The following CRTC3 variants were observed in gnomAD, a reference collection of about 807,000 sequenced individuals.
CRTC3 encodes the protein CREB regulated transcription coactivator 3.
In CRTC3, 26 loss-of-function variants were observed where a neutral mutation model predicts 74.5. The ratio of observed to expected loss-of-function variants is 0.35; its 90% CI spans 0.26 to 0.48. The LOEUF is 0.48. CRTC3 is among the 20% of genes least tolerant of loss of function. CRTC3 has a pLI of 0.99. For synonymous variants in CRTC3, 377 were observed against 325.8 expected (o/e 1.16, Z -1.69); for missense variants, 760 against 787.3 (o/e 0.97, Z 0.41).
chr15:90,617,067 C>G (rs1249852833), intron 7 of CRTC3, among the ~76,000 whole-genome samples: 1 of 152,184 alleles, frequency 6.6e-6, no homozygotes, highest in East Asian at 1.9e-4. Flanking sequence ...CTACATTTTA[C>G]TTCCTACCAT....
At chr15:90,634,706 G>T in intron 11 of CRTC3, 1 of 691,412 alleles carries the variant, frequency 1.4e-6, no homozygotes, top group Non-Finnish European at 2.6e-6. Flanking sequence ...CGGAGTATGA[G>T]ACTGAGGCGA....
Position 90,642,251 on chromosome 15 carries a change from C to G in CRTC3, c.*111C>G, listed in dbSNP as rs986736912. 6.0e-6 allele frequency: 5 copies of G among 838,212 alleles called. No individual in the cohort carries two copies. The highest frequency in any genetic ancestry group is 9.5e-6 in the Non-Finnish European group (5 of 524,642). The allele number at this position is 838,212 out of a possible 1,614,324, so 51.9% of individuals were successfully genotyped here. The stretch of plus-strand genomic sequence containing the variant: ...TTCGTTATCTTGACATAGAAGGAAG[C>G]AATGCCACGGCTCCAGGGTTTCAGA... On this transcript the variant is annotated 3_prime_UTR_variant, in exon 15 of 15. Transcript: ENST00000268184.
chr15:90,607,609 G>T, intron 6 of CRTC3, 131 bp downstream of exon 6: 1 of 597,752 alleles, frequency 1.7e-6, no homozygotes, highest in Admixed American at 3.0e-5. Context: ...CTCGTGGCAG[G>T]GAAGCGTGTG....
intron 2 of CRTC3, among the ~76,000 whole-genome samples, chr15:90,543,998 G>C (rs895683723): frequency 5.4e-4 from 82 of 152,240 alleles, no homozygotes; most frequent in African/African-American, 1.9e-3. Context: ...CATCTGGGTG[G>C]TTGCGTGTGT....
intron 11 of CRTC3, among the ~76,000 whole-genome samples, chr15:90,637,418 G>C (rs1295642493): frequency 6.6e-6 from 1 of 152,082 alleles, no homozygotes; most frequent in Admixed American, 6.5e-5. Context: ...ATGCGGGGAA[G>C]GGGGAGGGAT....
chr15:90,584,783 T>C (rs976385886), intron 2 of CRTC3, among the ~76,000 whole-genome samples: 2 of 152,148 alleles, frequency 1.3e-5, no homozygotes, highest in African/African-American at 4.8e-5. Context: ...CTACCCTATC[T>C]AGTGTCTCTA....
At chr15:90,581,253 T>A (rs929540014) in intron 2 of CRTC3, among the ~76,000 whole-genome samples, 3 of 152,226 alleles carry the variant, frequency 2.0e-5, no homozygotes, top group African/African-American at 7.2e-5. Context: ...TTTCATGAGC[T>A]AGTGGCCAGA....
At chr15:90,611,085 G>A (rs1341789667) in intron 6 of CRTC3, among the ~76,000 whole-genome samples, 1 of 152,092 alleles carries the variant, frequency 6.6e-6, no homozygotes, top group East Asian at 1.9e-4. Flanking sequence ...CATGGATTGG[G>A]CGGGGGTACA....
intron 2 of CRTC3, among the ~76,000 whole-genome samples, chr15:90,545,100 T>C (rs1966842098): frequency 6.6e-6 from 1 of 152,208 alleles, no homozygotes; most frequent in South Asian, 2.1e-4. Flanking sequence ...TCATATACTA[T>C]TTGTCTTTTT....
At chr15:90,541,321 C>T (rs1966798274) in intron 2 of CRTC3, among the ~76,000 whole-genome samples, 1 of 152,184 alleles carries the variant, frequency 6.6e-6, no homozygotes, top group African/African-American at 2.4e-5. Context: ...GTGGTAGAAA[C>T]TGGGTTCACT....
chr15:90,611,503 T>G (rs556368853), intron 6 of CRTC3, among the ~76,000 whole-genome samples: 1 of 152,272 alleles, frequency 6.6e-6, no homozygotes, highest in East Asian at 1.9e-4. Flanking sequence ...CTTGTGGGTT[T>G]TTAATTTAGC....
At chr15:90,635,372 T>C (rs2151096223) in intron 11 of CRTC3, among the ~76,000 whole-genome samples, 1 of 152,240 alleles carries the variant, frequency 6.6e-6, no homozygotes, top group Middle Eastern at 3.4e-3. Context: ...TGGCCAGGCG[T>C]GGTGGCTCAC....
intron 3 of CRTC3, chr15:90,596,084 G>A (rs1967918678): frequency 6.6e-6 from 1 of 152,282 alleles, no homozygotes; most frequent in African/African-American, 2.4e-5. Flanking sequence ...AGAGGATAAA[G>A]TGTTCATTCA....
At chr15:90,539,044 G>A (rs545223365) in intron 1 of CRTC3, among the ~76,000 whole-genome samples, 1 of 152,160 alleles carries the variant, frequency 6.6e-6, no homozygotes, top group Non-Finnish European at 1.5e-5. Context: ...CATCCTAGGG[G>A]CTTAGATCTG....
At chr15:90,560,908 T>G (rs1437377775) in intron 2 of CRTC3, among the ~76,000 whole-genome samples, 7 of 152,196 alleles carry the variant, frequency 4.6e-5, no homozygotes, top group Admixed American at 2.6e-4. Flanking sequence ...CAAGCCCTTT[T>G]CTTGATCAAG....
rs776314268 is a variant in CRTC3 at position 90,629,519 on chromosome 15, A to T, written c.1253A>T (p.Tyr418Phe). Residue 418 changes from tyrosine to phenylalanine, a missense_variant, in exon 11 of 15, where the codon TAT (tyrosine) becomes TTT (phenylalanine). Physicochemically the swap from Tyr to Phe is conservative, Grantham distance 22. Transcript: ENST00000268184. ...TCTTCAACCAGCCCACTGGCCCCAT[A>T]TCCTACCTCCCAGGTAAACACACAC... ...QLSSTSPLAP[Y>F]PTSQMVSSDR... 1 of 1,613,844 alleles carries T rather than the reference A, an allele frequency of 6.2e-7. No homozygotes were observed. The highest frequency in any genetic ancestry group is 2.2e-5 in the East Asian group (1 of 44,868).
chr15:90,568,633 A>G (rs1967180773), intron 2 of CRTC3, among the ~76,000 whole-genome samples: 1 of 151,864 alleles, frequency 6.6e-6, no homozygotes, highest in African/African-American at 2.4e-5. Context: ...TTACAGACCT[A>G]TTGACTCCAA....
In CRTC3 at chr15:90,578,923, CTGTTCTG is replaced by C. The variant is rs1185539508; in HGVS notation, c.232-14709_232-14703del. ...ATGATTCTAAGCATCTGTAATCTGT[CTGTTCTG>C]TGTCTAAGAAGCTAAATCTTGCTGT... On this transcript the variant is annotated intron_variant, in intron 2 of 14. Transcript: ENST00000268184. Among the ~76,000 whole-genome samples the C allele has an allele frequency of 6.1e-4, 93 of 152,268 alleles. 2 individuals carry two copies. In the East Asian group the frequency reaches 0.015, roughly 24 times the overall value.
Position 90,644,778 on chromosome 15 carries a change from T to C in CRTC3, c.*2638T>C, listed in dbSNP as rs999019705. On this transcript the variant is annotated 3_prime_UTR_variant, in exon 15 of 15. Coordinates refer to ENST00000268184, the MANE Select transcript of CRTC3 (RefSeq NM_022769.5). ...ACTGCGGCCTTTGTAACAAAACCAG[T>C]TGTGGTCCTCAGCATTTGAAGCAGC... 4 of 232,448 alleles carry C rather than the reference T, an allele frequency of 1.7e-5. No individual in the cohort carries two copies. Among genetic ancestry groups the C allele is most frequent in the African/African-American group, 6.6e-5 (3 of 45,278 alleles). 14.4% of individuals were successfully genotyped at this position (232,448 alleles called of 1,614,324 possible).
Sources: allele counts gnomAD v4.1 joint callset (sites outside exome capture counted in the v4.1 genomes callset), GRCh38; gene constraint gnomAD v4.1.1; transcripts MANE v1.5; gene names NCBI Gene and HGNC (gene_info 2026-07-23, HGNC 2026-07-21).